The following SDK1 variants were observed in gnomAD, a reference collection of about 807,000 sequenced individuals.
SDK1 encodes protein sidekick-1.
SDK1 carries 157 observed loss-of-function variants against 245.5 expected under a neutral mutation model. The observed-to-expected ratio is 0.64, with a 90% CI of 0.56 to 0.73. SDK1 has a LOEUF of 0.73. Among genes scored for constraint, SDK1 ranks in the 30% least tolerant of loss-of-function variants. SDK1 has a pLI of 0.00. For missense variants in SDK1, 3,583 were observed against 3,002.3 expected (o/e 1.19, Z -4.52); for synonymous variants, 1,647 against 1,278.5 (o/e 1.29, Z -6.15).
chr7:3,704,756 T>A (rs1784836940), intron 4 of SDK1, among the ~76,000 whole-genome samples: 1 of 152,212 alleles, frequency 6.6e-6, no homozygotes, highest in African/African-American at 2.4e-5. Context: ...AGTCATGAAT[T>A]CTTTTCCTAG....
chr7:4,244,674 G>A (rs1416756941), intron 43 of SDK1, among the ~76,000 whole-genome samples: 1 of 152,228 alleles, frequency 6.6e-6, no homozygotes, highest in African/African-American at 2.4e-5. Context: ...AGCTCAGCTG[G>A]GTCCTCTGCT....
intron 1 of SDK1, among the ~76,000 whole-genome samples, chr7:3,374,053 C>G (rs1304695051): frequency 6.6e-6 from 1 of 152,172 alleles, no homozygotes; most frequent in Admixed American, 6.5e-5. Flanking sequence ...TAAATGTCAT[C>G]TCAGTCCAAA....
chr7:3,382,741 A>G (rs954694827), intron 1 of SDK1, among the ~76,000 whole-genome samples: 5 of 152,224 alleles, frequency 3.3e-5, no homozygotes, highest in African/African-American at 9.6e-5. Context: ...GGCAAAACAT[A>G]GAGAAAAATC....
chr7:3,495,136 G>A (rs1046590586), intron 1 of SDK1, among the ~76,000 whole-genome samples: 5 of 151,950 alleles, frequency 3.3e-5, no homozygotes, highest in African/African-American at 1.2e-4. Context: ...TGAAACTGCA[G>A]TGTAACAGCG....
chr7:3,774,669 T>C (rs1780499415), intron 4 of SDK1, among the ~76,000 whole-genome samples: 1 of 152,206 alleles, frequency 6.6e-6, no homozygotes. Context: ...GACTCCTGGT[T>C]CTCTCTCCTC....
chr7:3,479,258 C>T (rs1456243973), intron 1 of SDK1, among the ~76,000 whole-genome samples: 2 of 151,432 alleles, frequency 1.3e-5, no homozygotes, highest in Non-Finnish European at 2.9e-5. Context: ...CCCGTCTCTA[C>T]CAAAAACATA....
chr7:3,513,453 G>C (rs1015481205), intron 1 of SDK1, among the ~76,000 whole-genome samples: 1 of 152,042 alleles, frequency 6.6e-6, no homozygotes, highest in Non-Finnish European at 1.5e-5. Context: ...TCAACTTTTT[G>C]GATGATGTTT....
At chr7:4,061,682 C>T (rs554182059) in intron 19 of SDK1, among the ~76,000 whole-genome samples, 3 of 152,086 alleles carry the variant, frequency 2.0e-5, no homozygotes, top group African/African-American at 4.8e-5. Context: ...CATATGCACA[C>T]GTATGTTTAT....
intron 4 of SDK1, among the ~76,000 whole-genome samples, chr7:3,714,710 A>G (rs1785150614): frequency 6.6e-6 from 1 of 152,208 alleles, no homozygotes; most frequent in Non-Finnish European, 1.5e-5. Flanking sequence ...TTCTCTCAAA[A>G]GTGCTTCTAA....
chr7:3,472,116 A>C (rs375977601), intron 1 of SDK1, among the ~76,000 whole-genome samples: 5 of 151,934 alleles, frequency 3.3e-5, no homozygotes, highest in Non-Finnish European at 7.4e-5. Flanking sequence ...TCTCCTTCCC[A>C]CTGTGTTGTG....
At chr7:4,230,039 AGAAGGAAGGAAGGAAGGAAG>A (rs55723679) in intron 40 of SDK1, among the ~76,000 whole-genome samples, 23 of 66,638 alleles carry the variant, frequency 3.5e-4, no homozygotes, top group African/African-American at 1.2e-3. Flanking sequence ...AGGGGGACCC[AGAAGGAAGGAAGGAAGGAAG>A]GAAGGAAGGA....
At chr7:4,242,060 C>T in intron 43 of SDK1, 147 bp downstream of exon 43, 1 of 884,482 alleles carries the variant, frequency 1.1e-6, no homozygotes, top group Non-Finnish European at 1.7e-6. Flanking sequence ...GCTCCCAAAC[C>T]ACCAGGGGCA....
At chr7:3,811,891 T>G (rs1779393517) in intron 4 of SDK1, among the ~76,000 whole-genome samples, 1 of 152,214 alleles carries the variant, frequency 6.6e-6, no homozygotes, top group Non-Finnish European at 1.5e-5. Flanking sequence ...TTTTTACACT[T>G]TCAAAAGCTA....
chr7:3,921,356 A>G (rs564776434), intron 5 of SDK1, among the ~76,000 whole-genome samples: 25 of 152,332 alleles, frequency 1.6e-4, no homozygotes, highest in Middle Eastern at 3.4e-3. Flanking sequence ...TAATTTATTA[A>G]CCTGTCTCCA....
chr7:3,858,609 T>A (rs943560369), intron 5 of SDK1, among the ~76,000 whole-genome samples: 53 of 152,022 alleles, frequency 3.5e-4, no homozygotes, highest in African/African-American at 1.2e-3. Flanking sequence ...CAGGGTTTTT[T>A]GTTGTTGTGT....
At chr7:3,408,872 C>T (rs994256537) in intron 1 of SDK1, among the ~76,000 whole-genome samples, 1 of 152,126 alleles carries the variant, frequency 6.6e-6, no homozygotes, top group African/African-American at 2.4e-5. Context: ...TTATCAAAGG[C>T]TTGCAGTATT....
At chr7:3,667,705 G>A (rs1378739843) in intron 4 of SDK1, among the ~76,000 whole-genome samples, 1 of 152,126 alleles carries the variant, frequency 6.6e-6, no homozygotes, top group Non-Finnish European at 1.5e-5. Flanking sequence ...AAAGTATTTA[G>A]CCTTTGAATC....
intron 12 of SDK1, 35 bp downstream of exon 12, chr7:3,971,603 T>A: frequency 6.8e-7 from 1 of 1,467,884 alleles, no homozygotes; most frequent in Non-Finnish European, 9.5e-7. Context: ...TTGGGGCTTG[T>A]TGATATTCTG....
intron 1 of SDK1, among the ~76,000 whole-genome samples, chr7:3,457,817 G>T (rs918660631): frequency 6.6e-6 from 1 of 152,020 alleles, no homozygotes; most frequent in African/African-American, 2.4e-5. Flanking sequence ...TGATTCCTTG[G>T]ACTCCATGTC....
Sources: gnomAD v4.1 joint callset for allele counts (sites outside exome capture counted in the v4.1 genomes callset) on GRCh38, gnomAD v4.1.1 for gene constraint, MANE v1.5 for transcripts, NCBI Gene and HGNC (gene_info 2026-07-23, HGNC 2026-07-21) for gene names.